The following TXNDC15 variants were observed in gnomAD, a reference collection of about 807,000 sequenced individuals.
The protein encoded by TXNDC15 is thioredoxin domain containing 15, also known as thioredoxin domain-containing protein 15.
TXNDC15 carries 24 observed loss-of-function variants against 35.0 expected under a neutral mutation model. The observed-to-expected ratio is 0.68, with a 90% CI of 0.50 to 0.96. The LOEUF (loss-of-function observed/expected upper bound fraction) is 0.96. Among genes scored for constraint, TXNDC15 ranks in the 40% least tolerant of loss-of-function variants. The pLI, the probability that TXNDC15 is intolerant of heterozygous loss-of-function variation, is 0.00. For missense variants in TXNDC15, 385 were observed against 453.3 expected (o/e 0.85, Z 1.37); for synonymous variants, 169 against 174.0 (o/e 0.97, Z 0.23).
intron 2 of TXNDC15, among the ~76,000 whole-genome samples, chr5:134,891,728 C>T (rs1049812797): frequency 1.3e-5 from 2 of 152,046 alleles, no homozygotes; most frequent in Non-Finnish European, 2.9e-5. Context: ...AGTTCCAGAC[C>T]AGCCTGGGGA....
chr5:134,898,041 A>G (rs1750529405), intron 4 of TXNDC15, among the ~76,000 whole-genome samples: 1 of 152,050 alleles, frequency 6.6e-6, no homozygotes, highest in South Asian at 2.1e-4. Context: ...GAGAAACAGA[A>G]CATTACCAGC....
intron 1 of TXNDC15, among the ~76,000 whole-genome samples, chr5:134,883,522 G>A (rs185794836): frequency 1.2e-4 from 17 of 146,318 alleles, no homozygotes; most frequent in African/African-American, 3.1e-4. Flanking sequence ...TGGTAGAATC[G>A]CTTGAACCCG....
intron 4 of TXNDC15, among the ~76,000 whole-genome samples, chr5:134,897,567 A>G (rs1028442686): frequency 6.6e-6 from 1 of 152,268 alleles, no homozygotes; most frequent in Non-Finnish European, 1.5e-5. Flanking sequence ...ATACTTTAAA[A>G]CAAGTGTTAC....
Position 134,901,150 on chromosome 5 carries a change from T to C in TXNDC15, c.*1465T>C, listed in dbSNP as rs867035117. On this transcript the variant is annotated 3_prime_UTR_variant, in exon 5 of 5. Coordinates refer to ENST00000358387, the MANE Select transcript of TXNDC15 (RefSeq NM_024715.4). Reference sequence around the variant, plus strand: ...CTTAAATTCAGATATGACAGCTAATTACCTCATCATAAATTACTTTTATAC... The same window carrying C: ...CTTAAATTCAGATATGACAGCTAATCACCTCATCATAAATTACTTTTATAC... 1.3e-5 allele frequency: 2 copies of C among 152,230 alleles called. No homozygotes were observed. Among genetic ancestry groups the C allele is most frequent in the Middle Eastern group, 3.2e-3 (1 of 316 alleles). 9.4% of individuals were successfully genotyped at this position (152,230 alleles called of 1,614,324 possible). A position where few individuals can be genotyped will look rare whatever the true frequency, so the allele number is the denominator to read the frequency against.
upstream of TXNDC15, chr5:134,874,351 G>GCTCTCCTCCCCCAGC (rs1367728215): frequency 3.9e-6 from 5 of 1,297,936 alleles, no homozygotes; most frequent in Admixed American, 8.2e-5. Flanking sequence ...GCGCTCCCAG[G>GCTCTCCTCCCCCAGC]CTCTCCTCCC....
rs771689399 is a variant in TXNDC15 at position 134,899,634 on chromosome 5, T to C, written c.1032T>C (p.Thr344=). 42 of 1,613,386 alleles carry C rather than the reference T, an allele frequency of 2.6e-5. No individual in the cohort carries two copies. Among genetic ancestry groups the C allele is most frequent in the Non-Finnish European group, 3.6e-5 (42 of 1,179,852 alleles). ...ISFIMYATIR[T]ESIRWLIPGQ... is the part of the protein sequence containing the mutation. ...TTATTATGTATGCTACCATTCGAAC[T>C]GAGAGTATTCGGTGGCTAATTCCAG... The change falls in exon 5 of 5, where the codon ACT becomes ACC. Residue 344 remains threonine (T), a synonymous_variant. Coordinates refer to ENST00000358387, the MANE Select transcript of TXNDC15 (RefSeq NM_024715.4).
chr5:134,890,843 A>T (rs1221579480), intron 2 of TXNDC15, among the ~76,000 whole-genome samples: 1 of 152,234 alleles, frequency 6.6e-6, no homozygotes, highest in African/African-American at 2.4e-5. Flanking sequence ...CTGCTGCATT[A>T]TCAACTAAGT....
upstream of TXNDC15, chr5:134,874,349 A>T (rs1430777496): frequency 3.1e-6 from 4 of 1,280,550 alleles, no homozygotes; most frequent in Non-Finnish European, 4.2e-6. Flanking sequence ...CCGCGCTCCC[A>T]GGCTCTCCTC....
intron 4 of TXNDC15, among the ~76,000 whole-genome samples, chr5:134,897,891 C>T (rs750530601): frequency 2.2e-4 from 34 of 151,982 alleles, no homozygotes; most frequent in Non-Finnish European, 4.3e-4. Context: ...TGCTTGTAGT[C>T]GCAGCTACTC....
chr5:134,898,922 A>G (rs1373435530), intron 4 of TXNDC15, among the ~76,000 whole-genome samples: 2 of 152,070 alleles, frequency 1.3e-5, no homozygotes, highest in African/African-American at 4.8e-5. Flanking sequence ...TAAAAATACA[A>G]AAAAATTAGC....
intron 3 of TXNDC15, 31 bp from the exon 4 acceptor site, chr5:134,896,263 A>T: frequency 6.3e-7 from 1 of 1,598,972 alleles, no homozygotes; most frequent in Non-Finnish European, 8.5e-7. Flanking sequence ...TTAATAATAA[A>T]TTCAGGTTTT....
At chr5:134,876,157 C>T (rs913364431) in intron 1 of TXNDC15, among the ~76,000 whole-genome samples, 4 of 152,190 alleles carry the variant, frequency 2.6e-5, no homozygotes, top group Admixed American at 1.3e-4. Flanking sequence ...TAACTGCTAG[C>T]CTCACAGAGG....
intron 1 of TXNDC15, 102 bp downstream of exon 1, chr5:134,874,632 C>A: frequency 1.1e-6 from 1 of 929,656 alleles, no homozygotes; most frequent in East Asian, 3.0e-5. Context: ...CGCGACTCGC[C>A]CCTTCTTGGC....
rs1268158217 is a variant in TXNDC15 at position 134,899,507 on chromosome 5, A to G, written c.905A>G (p.Asn302Ser). 5 of 1,613,142 alleles carry G rather than the reference A, an allele frequency of 3.1e-6. No individual in the cohort carries two copies. The South Asian group carries it at 5.5e-5, about 18-fold the overall frequency. Residue 302 changes from asparagine to serine, a missense_variant, in exon 5 of 5, where the codon AAT becomes AGT. Physicochemically the swap from Asn to Ser is conservative, Grantham distance 46. Transcript: ENST00000358387. Reference protein sequence around the residue: ...FNQTGIEAKKNVVVTQADQIG... With the variant: ...FNQTGIEAKKSVVVTQADQIG... ...CTTTCAGGTATAGAAGCCAAGAAGA[A>G]TGTGGTGGTAACTCAAGCCGACCAA...
intron 1 of TXNDC15, among the ~76,000 whole-genome samples, chr5:134,882,813 A>G (rs1200903640): frequency 6.6e-6 from 1 of 152,152 alleles, no homozygotes; most frequent in Non-Finnish European, 1.5e-5. Context: ...TCGGCTCGGC[A>G]TCAGAGGGAG....
chr5:134,888,185 AAGGAAAAATT>A lies in TXNDC15; in HGVS notation c.591+5_591+14del, dbSNP rs1277816987. The A allele has an allele frequency of 1.3e-6, 2 of 1,594,842 alleles. No individual in the cohort carries two copies. Among genetic ancestry groups the A allele is most frequent in the Middle Eastern group, 3.4e-4 (2 of 5,850 alleles). On this transcript the variant is annotated splice_donor_5th_base_variant and intron_variant, in intron 2 of 4. Coordinates refer to ENST00000358387, the MANE Select transcript of TXNDC15 (RefSeq NM_024715.4). ...TGAAAATTTTAAATATGTCACAGGT[AAGGAAAAATT>A]ATTTAGTGCTTTTCTCCTTTTCAGT...
chr5:134,881,252 T>A (rs1750138306), intron 1 of TXNDC15, among the ~76,000 whole-genome samples: 1 of 132,330 alleles, frequency 7.6e-6, no homozygotes, highest in Non-Finnish European at 1.6e-5. Flanking sequence ...TTTGGCAGGG[T>A]CACAGGACAA....
rs992857962 is a variant in TXNDC15, at chr5:134,899,665, G to C, written c.1063G>C (p.Glu355Gln). Residue 355 changes from glutamate to glutamine, a missense_variant, in exon 5 of 5, where the codon GAG (glutamate) becomes CAG (glutamine). Coordinates refer to ENST00000358387, the MANE Select transcript of TXNDC15 (RefSeq NM_024715.4). ...ESIRWLIPGQ[E>Q]QEHVE ...TATTCGGTGGCTAATTCCAGGACAA[G>C]AGCAGGAACATGTGGAGTAGTGATG... The C allele has an allele frequency of 1.9e-6, 3 of 1,610,014 alleles. No individual in the cohort carries two copies. In the Admixed American group the frequency reaches 5.1e-5, roughly 27 times the overall value.
At chr5:134,887,661 C>A in intron 1 of TXNDC15, 34 bp from the exon 2 acceptor site, 3 of 1,524,280 alleles carry the variant, frequency 2.0e-6, no homozygotes, top group South Asian at 2.6e-5. Flanking sequence ...GTTTTGAAGT[C>A]AAATATGACT....
Sources: gnomAD v4.1 joint callset for allele counts (sites outside exome capture counted in the v4.1 genomes callset) on GRCh38, gnomAD v4.1.1 for gene constraint, MANE v1.5 for transcripts, NCBI Gene and HGNC (gene_info 2026-07-23, HGNC 2026-07-21) for gene names.